EXOC4: variants seen among roughly 807,000 people sequenced by gnomAD.
EXOC4 encodes SEC8-like 1.
In EXOC4, 71 loss-of-function variants were observed where a neutral mutation model predicts 107.2. The ratio of observed to expected loss-of-function variants is 0.66; its 90% CI spans 0.55 to 0.81. The LOEUF is 0.81. Ranked by LOEUF, EXOC4 falls within the 30% of genes least tolerant of loss-of-function variation. The pLI is 0.00. For missense variants in EXOC4, 1,108 were observed against 1,189.6 expected (o/e 0.93, Z 1.01); for synonymous variants, 456 against 441.2 (o/e 1.03, Z -0.42).
chr7:133,507,547 A>G (rs1488093780), intron 9 of EXOC4, among the ~76,000 whole-genome samples: 1 of 152,208 alleles, frequency 6.6e-6, no homozygotes, highest in Admixed American at 6.5e-5. Context: ...AAGATAAAAT[A>G]CATGTGCCAT....
chr7:133,285,186 T>C (rs972715210), intron 2 of EXOC4, among the ~76,000 whole-genome samples: 4 of 152,170 alleles, frequency 2.6e-5, no homozygotes, highest in Non-Finnish European at 5.9e-5. Flanking sequence ...AATATGTACA[T>C]CTAAGCCATA....
chr7:133,411,103 A>G (rs1308953735), intron 7 of EXOC4, among the ~76,000 whole-genome samples: 2 of 152,138 alleles, frequency 1.3e-5, no homozygotes, highest in African/African-American at 2.4e-5. Flanking sequence ...GAGGCTAACT[A>G]TCTTTGGTTT....
At chr7:133,546,552 G>A (rs1475885119) in intron 9 of EXOC4, among the ~76,000 whole-genome samples, 2 of 151,982 alleles carry the variant, frequency 1.3e-5, no homozygotes, top group Non-Finnish European at 2.9e-5. Flanking sequence ...CACTTTACCC[G>A]GCCTTAGCTG....
intron 9 of EXOC4, among the ~76,000 whole-genome samples, chr7:133,594,392 AAGGG>A (rs1260902098): frequency 5.3e-5 from 8 of 152,046 alleles, no homozygotes; most frequent in African/African-American, 1.7e-4. Context: ...TGCTTTGGGC[AAGGG>A]GTATAGGCCC....
chr7:133,767,153 G>A (rs1435788323), intron 10 of EXOC4, among the ~76,000 whole-genome samples: 1 of 151,664 alleles, frequency 6.6e-6, no homozygotes, highest in African/African-American at 2.4e-5. Context: ...TCTCTGAAAT[G>A]CCAATCTAAG....
intron 7 of EXOC4, among the ~76,000 whole-genome samples, chr7:133,425,816 C>G (rs1797712568): frequency 6.6e-6 from 1 of 152,180 alleles, no homozygotes; most frequent in Non-Finnish European, 1.5e-5. Flanking sequence ...CCATTCATTT[C>G]TATTGATCCC....
intron 10 of EXOC4, among the ~76,000 whole-genome samples, chr7:133,726,763 A>G (rs922380212): frequency 3.3e-5 from 5 of 152,008 alleles, no homozygotes; most frequent in African/African-American, 1.2e-4. Flanking sequence ...AACCCTTGTC[A>G]TGGCTCTACT....
intron 10 of EXOC4, among the ~76,000 whole-genome samples, chr7:133,696,532 A>G (rs943926401): frequency 2.6e-5 from 4 of 152,222 alleles, no homozygotes; most frequent in Non-Finnish European, 4.4e-5. Flanking sequence ...TATAGAAAAT[A>G]TAGCTCCTCT....
At chr7:133,313,468 T>C (rs1336399885) in intron 4 of EXOC4, among the ~76,000 whole-genome samples, 1 of 152,226 alleles carries the variant, frequency 6.6e-6, no homozygotes, top group African/African-American at 2.4e-5. Flanking sequence ...CTGTTCTGGC[T>C]ATATAAGTGA....
rs200907309 is a variant in EXOC4 at position 133,840,494 on chromosome 7, T to TTTTA, written c.1734+22974_1734+22977dup. Among the ~76,000 whole-genome samples, 344 of 151,302 alleles carry TTTTA rather than the reference T, an allele frequency of 2.3e-3. 2 individuals are homozygous for TTTTA. Among genetic ancestry groups the TTTTA allele is most frequent in the East Asian group, 0.013 (65 of 5,176 alleles). ...GTTTTATTTATTATTTTTTATTGTA[T>TTTTA]TTTATTTATTTATTTATTTATTTAT... On this transcript the variant is annotated intron_variant, in intron 11 of 17. Transcript: ENST00000253861.
intron 17 of EXOC4, among the ~76,000 whole-genome samples, chr7:134,036,808 A>G (rs971199945): frequency 6.6e-5 from 10 of 152,216 alleles, no homozygotes; most frequent in Non-Finnish European, 1.3e-4. Context: ...AATGCAAACT[A>G]GAGCTTGAAT....
At chr7:133,308,166 A>G (rs1794795457) in intron 4 of EXOC4, among the ~76,000 whole-genome samples, 1 of 152,228 alleles carries the variant, frequency 6.6e-6, no homozygotes, top group Admixed American at 6.5e-5. Context: ...TAAATATGAA[A>G]GATGAACAGT....
At chr7:133,422,454 T>C (rs1476665900) in intron 7 of EXOC4, among the ~76,000 whole-genome samples, 3 of 152,214 alleles carry the variant, frequency 2.0e-5, no homozygotes, top group Non-Finnish European at 4.4e-5. Context: ...AGGGTATTGA[T>C]ATTGCTTGCA....
rs80000258 is a variant in EXOC4 at position 133,684,912 on chromosome 7, T to C, written c.1514+54771T>C. Among the ~76,000 whole-genome samples, 1,509 of 152,232 alleles carry C rather than the reference T, an allele frequency of 9.9e-3. 30 individuals carry two copies. The highest frequency in any genetic ancestry group is 0.034 in the African/African-American group (1,407 of 41,542). The stretch of plus-strand genomic sequence containing the variant: ...TGAAACCTCCTTTTTATAAAGCATG[T>C]AATTTTTGAAGGGTTACCTCGTCAA... On this transcript the variant is annotated intron_variant, in intron 10 of 17. Transcript: ENST00000253861.
At position 133,380,144 on chromosome 7, in the gene EXOC4, C is replaced by T. The variant is rs570011934; in HGVS notation, c.1182+5142C>T. On this transcript the variant is annotated intron_variant, in intron 7 of 17. Transcript: ENST00000253861. ...TAGGAGATATACCTAATGTAAATGACGAGTTAATGGGTGCAGCACACCAAC... is the reference window on the plus strand; with the variant it reads ...TAGGAGATATACCTAATGTAAATGATGAGTTAATGGGTGCAGCACACCAAC... 1.7e-3 allele frequency among the ~76,000 whole-genome samples: 253 copies of T among 151,536 alleles called. 1 individual carries two copies. The highest frequency in any genetic ancestry group is 5.9e-3 in the African/African-American group (242 of 41,298).
In EXOC4 at chr7:133,836,891, C is replaced by T. The variant is rs898133847; in HGVS notation, c.1734+19347C>T. 5.9e-5 allele frequency among the ~76,000 whole-genome samples: 9 copies of T among 152,098 alleles called. No homozygotes were observed. In the South Asian group the frequency reaches 8.3e-4, roughly 14 times the overall value. On this transcript the variant is annotated intron_variant, in intron 11 of 17. Coordinates refer to ENST00000253861, the MANE Select transcript of EXOC4 (RefSeq NM_021807.4). The stretch of plus-strand genomic sequence containing the variant: ...ATTATTCACCCTGGAATATAATTGC[C>T]GTTATACTGTGGGGGATGTGGGAGT...
intron 11 of EXOC4, among the ~76,000 whole-genome samples, chr7:133,863,473 A>G (rs923658868): frequency 6.6e-6 from 1 of 152,186 alleles, no homozygotes; most frequent in African/African-American, 2.4e-5. Flanking sequence ...ATTTCATTAT[A>G]TAAAGTTCAA....
At chr7:133,785,955 C>T (rs1259761248) in intron 10 of EXOC4, among the ~76,000 whole-genome samples, 10 of 152,236 alleles carry the variant, frequency 6.6e-5, no homozygotes, top group East Asian at 1.9e-4. Context: ...AGGCGTGAGC[C>T]ACTGTGTCTG....
At chr7:133,996,072 G>A (rs1235709210) in intron 14 of EXOC4, among the ~76,000 whole-genome samples, 3 of 152,194 alleles carry the variant, frequency 2.0e-5, no homozygotes, top group Non-Finnish European at 4.4e-5. Context: ...GAATTATTTT[G>A]TAAGTATATG....
Sources: gnomAD v4.1 joint callset for allele counts (sites outside exome capture counted in the v4.1 genomes callset) on GRCh38, gnomAD v4.1.1 for gene constraint, MANE v1.5 for transcripts, NCBI Gene and HGNC (gene_info 2026-07-23, HGNC 2026-07-21) for gene names.